TRAPPC8: variants seen among roughly 807,000 people sequenced by gnomAD.
The protein encoded by TRAPPC8 is general sporulation gene 1 homolog.
Under a neutral mutation model 174.3 loss-of-function variants are expected in TRAPPC8, and 54 were observed. That is an observed-to-expected ratio of 0.31 (90% CI 0.25 to 0.39). TRAPPC8 has a LOEUF of 0.39. TRAPPC8 is among the 10% of genes least tolerant of loss of function. The pLI is 1.00. For missense variants in TRAPPC8, 1,531 were observed against 1,699.1 expected (o/e 0.90, Z 1.74); for synonymous variants, 630 against 579.9 (o/e 1.09, Z -1.24).
At chr18:31,877,110 C>T (rs2035193491) in intron 12 of TRAPPC8, among the ~76,000 whole-genome samples, 1 of 152,198 alleles carries the variant, frequency 6.6e-6, no homozygotes, top group Non-Finnish European at 1.5e-5. Flanking sequence ...CCTGCCAAAG[C>T]CCCACCTTGA....
chr18:31,935,177 T>TC (rs1283776284), intron 1 of TRAPPC8, among the ~76,000 whole-genome samples: 1 of 151,210 alleles, frequency 6.6e-6, no homozygotes, highest in East Asian at 2.0e-4. Flanking sequence ...AAACCCCGTC[T>TC]CTACTAAAAA....
rs750619864 is a variant in TRAPPC8 at position 31,942,709 on chromosome 18, C to A, written c.56G>T (p.Cys19Phe). ...TTCGTCGCTGCACAGCGCAGCGACACAGGGGACGAAGGAGTCCGGGATTAG... is the reference window on the plus strand; with the variant it reads ...TTCGTCGCTGCACAGCGCAGCGACAAAGGGGACGAAGGAGTCCGGGATTAG... ...QELIPDSFVP[C>F]VAALCSDEAE... is the part of the protein sequence containing the mutation. Residue 19 changes from cysteine to phenylalanine, a missense_variant, in exon 1 of 29, where the codon TGT becomes TTT. Physicochemically the swap from Cys to Phe is radical, Grantham distance 205. Coordinates refer to ENST00000283351, the MANE Select transcript of TRAPPC8 (RefSeq NM_014939.5). The A allele has an allele frequency of 6.2e-7, 1 of 1,607,452 alleles. No individual in the cohort carries two copies. Among genetic ancestry groups the A allele is most frequent in the Admixed American group, 1.7e-5 (1 of 58,846 alleles).
At chr18:31,888,399 G>A (rs183720193) in intron 12 of TRAPPC8, among the ~76,000 whole-genome samples, 1 of 152,290 alleles carries the variant, frequency 6.6e-6, no homozygotes, top group Non-Finnish European at 1.5e-5. Context: ...CGAGCATGGT[G>A]ATGCATGCCT....
chr18:31,851,182 T>C (rs1028193591), intron 24 of TRAPPC8, among the ~76,000 whole-genome samples: 3 of 152,178 alleles, frequency 2.0e-5, no homozygotes, highest in Admixed American at 2.0e-4. Context: ...TTATATGAAC[T>C]TTTACACCCC....
intron 20 of TRAPPC8, among the ~76,000 whole-genome samples, chr18:31,856,055 A>ATT (rs959847296): frequency 3.9e-5 from 6 of 152,140 alleles, no homozygotes. Context: ...ATTCATCTGT[A>ATT]TAACACATAA....
At chr18:31,884,416 A>G (rs1175595875) in intron 12 of TRAPPC8, among the ~76,000 whole-genome samples, 1 of 152,182 alleles carries the variant, frequency 6.6e-6, no homozygotes, top group African/African-American at 2.4e-5. Flanking sequence ...ATGTGTGTGT[A>G]TATATTTATG....
chr18:31,916,725 G>A (rs1348673755), intron 3 of TRAPPC8, among the ~76,000 whole-genome samples: 1 of 151,670 alleles, frequency 6.6e-6, no homozygotes, highest in Non-Finnish European at 1.5e-5. Context: ...GTAAAGACGG[G>A]GTTTCACCAT....
At chr18:31,848,203 A>G (rs1182109853) in intron 25 of TRAPPC8, among the ~76,000 whole-genome samples, 3 of 152,076 alleles carry the variant, frequency 2.0e-5, no homozygotes, top group Non-Finnish European at 2.9e-5. Flanking sequence ...TCAAACTTCC[A>G]TTTCCCAGCC....
At chr18:31,892,339 G>A (rs1456547059) in intron 11 of TRAPPC8, among the ~76,000 whole-genome samples, 1 of 152,000 alleles carries the variant, frequency 6.6e-6, no homozygotes, top group Non-Finnish European at 1.5e-5. Context: ...TACGTAAGTG[G>A]TATTTATATG....
chr18:31,928,704 A>C (rs2037729530), intron 2 of TRAPPC8, among the ~76,000 whole-genome samples: 1 of 152,146 alleles, frequency 6.6e-6, no homozygotes, highest in Non-Finnish European at 1.5e-5. Context: ...CCTTACTATG[A>C]TTACTGATTA....
intron 24 of TRAPPC8, among the ~76,000 whole-genome samples, chr18:31,849,957 CTT>C (rs202004944): frequency 6.2e-5 from 9 of 145,298 alleles, no homozygotes; most frequent in East Asian, 2.0e-4. Context: ...TACCCTAAAT[CTT>C]TTTTTTTTTT....
chr18:31,860,583 TC>T (rs34674634), intron 19 of TRAPPC8, among the ~76,000 whole-genome samples: 1 of 152,202 alleles, frequency 6.6e-6, no homozygotes, highest in Non-Finnish European at 1.5e-5. Context: ...CTTCTACTAT[TC>T]CCTTAAACAT....
chr18:31,905,221 T>C (rs532369422), intron 9 of TRAPPC8, among the ~76,000 whole-genome samples: 45 of 152,286 alleles, frequency 3.0e-4, no homozygotes, highest in African/African-American at 9.6e-4. Flanking sequence ...GGAAGTGATA[T>C]CAGTTCAAAT....
Position 31,897,794 on chromosome 18 carries a change from T to A in TRAPPC8, c.1588A>T (p.Thr530Ser). The A allele has an allele frequency of 1.2e-6, 2 of 1,600,172 alleles. No homozygotes were observed. The highest frequency in any genetic ancestry group is 2.3e-5 in the South Asian group (2 of 88,602). Reference sequence around the variant, plus strand: ...CTACACAGTTTCAGTACCTCACTGGTCAACCGTATTAGGAGAGCTGCAGCC... The same window carrying A: ...CTACACAGTTTCAGTACCTCACTGGACAACCGTATTAGGAGAGCTGCAGCC... ...SEAAALLIRL[T>S]SEDSDLRSAL... is the part of the protein sequence containing the mutation. The change falls in exon 11 of 29, where the codon ACC (threonine) becomes TCC (serine). Residue 530 changes from threonine (T) to serine (S), a missense_variant. Thr to Ser is a moderately conservative substitution (Grantham distance 58). Coordinates refer to ENST00000283351, the MANE Select transcript of TRAPPC8 (RefSeq NM_014939.5).
intron 25 of TRAPPC8, among the ~76,000 whole-genome samples, chr18:31,847,209 C>G (rs1335356759): frequency 2.0e-5 from 3 of 152,186 alleles, no homozygotes; most frequent in Non-Finnish European, 4.4e-5. Context: ...TAGGGTTTAT[C>G]ACACAGCTGA....
intron 12 of TRAPPC8, among the ~76,000 whole-genome samples, chr18:31,875,161 C>CT (rs1224318122): frequency 6.6e-6 from 1 of 152,046 alleles, no homozygotes; most frequent in Non-Finnish European, 1.5e-5. Context: ...TGTTCTCATA[C>CT]TTTAACTAGA....
chr18:31,900,853 T>TG (rs1350778455), intron 10 of TRAPPC8, 72 bp downstream of exon 10: 209 of 1,155,896 alleles, frequency 1.8e-4, no homozygotes, highest in Admixed American at 4.2e-4. Context: ...AGTTTAGGAA[T>TG]GGGGAAAAAA....
rs147807273 is a variant in TRAPPC8, at chr18:31,916,914, C to T, written c.443-468G>A. Among the ~76,000 whole-genome samples the T allele has an allele frequency of 5.3e-5, 8 of 151,002 alleles. No individual in the cohort carries two copies. The East Asian group carries it at 1.6e-3, about 29-fold the overall frequency. On this transcript the variant is annotated intron_variant, in intron 3 of 28. Transcript: ENST00000283351. ...CAAGCACAAAATAATTTCTCCAACA[C>T]TCCAAATAATTCAATACTCCAGATA...
intron 26 of TRAPPC8, chr18:31,844,302 T>C (rs1400531072): frequency 6.6e-6 from 1 of 152,218 alleles, no homozygotes; most frequent in Non-Finnish European, 1.5e-5. Context: ...AGTTTTGCTT[T>C]TGACTTGTAA....
Sources: gnomAD v4.1 joint callset for allele counts (sites outside exome capture counted in the v4.1 genomes callset) on GRCh38, gnomAD v4.1.1 for gene constraint, MANE v1.5 for transcripts, NCBI Gene and HGNC (gene_info 2026-07-23, HGNC 2026-07-21) for gene names.